The following AHNAK2 variants were observed in gnomAD, a reference collection of about 807,000 sequenced individuals.
AHNAK2 encodes the protein protein AHNAK2.
AHNAK2 carries 18 observed loss-of-function variants against 30.7 expected under a neutral mutation model. That is an observed-to-expected ratio of 0.59 (90% CI 0.41 to 0.87). AHNAK2 has a LOEUF of 0.87. Among genes scored for constraint, AHNAK2 ranks in the 40% least tolerant of loss-of-function variants. AHNAK2 has a pLI of 0.00. For missense variants in AHNAK2, 8,604 were observed against 7,373.0 expected (o/e 1.17, Z -6.11); for synonymous variants, 3,590 against 3,073.8 (o/e 1.17, Z -5.56).
Position 104,941,523 on chromosome 14 carries a change from T to A in AHNAK2, c.13928A>T (p.Lys4643Met), listed in dbSNP as rs764620557. The A allele has an allele frequency of 6.2e-7, 1 of 1,613,064 alleles. No homozygotes were observed. Among genetic ancestry groups the A allele is most frequent in the African/African-American group, 1.3e-5 (1 of 75,070 alleles). ...LSTSGFEWSS[K>M]KVSMSSSEIE... ...TTCAGAGGAAGACATGGAAACTTTC[T>A]TTGACGACCATTCAAAACCAGACGT... The change falls in exon 7 of 7, where the codon AAG (lysine) becomes ATG (methionine). Residue 4643 changes from lysine to methionine, a missense_variant. Physicochemically the swap from Lys to Met is moderately conservative, Grantham distance 95 (BLOSUM62 -1). Transcript: ENST00000333244.
In AHNAK2 at chr14:104,966,878, C is replaced by G. The variant is rs921680008; in HGVS notation, c.56-9206G>C. On this transcript the variant is annotated intron_variant, in intron 1 of 6. Coordinates refer to ENST00000333244, the MANE Select transcript of AHNAK2 (RefSeq NM_138420.4). The surrounding 1 kb of genome is among the most constrained non-coding windows in gnomAD (Gnocchi z 4.3). ...CACTCTCTGGCCTCAGTTTCCCTTC[C>G]TGCTCTGCCCAGACCCTGCCGCTCA... Among the ~76,000 whole-genome samples, 11 of 152,246 alleles carry G rather than the reference C, an allele frequency of 7.2e-5. No homozygotes were observed. The highest frequency in any genetic ancestry group is 5.9e-4 in the Admixed American group (9 of 15,294).
Position 104,945,921 on chromosome 14 carries a change from A to C in AHNAK2, c.9530T>G (p.Leu3177Arg), listed in dbSNP as rs1408165818. The C allele has an allele frequency of 8.0e-6, 10 of 1,247,734 alleles. 3 individuals are homozygous for C. The highest frequency in any genetic ancestry group is 9.1e-6 in the Non-Finnish European group (8 of 881,508). 77.3% of individuals were successfully genotyped at this position (1,247,734 alleles called of 1,614,324 possible). ...DVSAPKVEAD[L>R]SLPSMQGDLK... Reference sequence around the variant, plus strand: ...GTCCCCCTGCATGGAGGGGAGGCTCAGGTCGGCCTCCACCTTTGGCGCAGA... The same window carrying C: ...GTCCCCCTGCATGGAGGGGAGGCTCCGGTCGGCCTCCACCTTTGGCGCAGA... Residue 3177 changes from leucine (L) to arginine (R), a missense_variant, in exon 7 of 7, where the codon CTG becomes CGG. Physicochemically the swap from Leu to Arg is moderately radical, Grantham distance 102. Coordinates refer to ENST00000333244, the MANE Select transcript of AHNAK2 (RefSeq NM_138420.4).
intron 1 of AHNAK2, 73 bp from the exon 2 acceptor site, chr14:104,957,745 G>C (rs1899022754): frequency 6.9e-7 from 1 of 1,447,000 alleles, no homozygotes; most frequent in Non-Finnish European, 9.5e-7. Flanking sequence ...GAGGGAGCCA[G>C]GACTGTATGT....
In AHNAK2 at chr14:104,947,409, T is replaced by A. The variant is rs769867338; in HGVS notation, c.8042A>T (p.Asp2681Val). 4 of 1,612,534 alleles carry A rather than the reference T, an allele frequency of 2.5e-6. No homozygotes were observed. The African/African-American group carries it at 5.4e-5, about 22-fold the overall frequency. Reference protein sequence around the residue: ...VDVSELKVEADMSLPSMQGDL... With the variant: ...VDVSELKVEAVMSLPSMQGDL... ...CCCTTGCATGGAGGGGAGGCTCATG[T>A]CGGCTTCCACCTTCAGCTCAGACAC... The change falls in exon 7 of 7, where the codon GAC (aspartate) becomes GTC (valine). Residue 2681 changes from aspartate to valine, a missense_variant. Physicochemically the swap from Asp to Val is radical, Grantham distance 152. Coordinates refer to ENST00000333244, the MANE Select transcript of AHNAK2 (RefSeq NM_138420.4).
chr14:104,947,688 A>G lies in AHNAK2; in HGVS notation c.7763T>C (p.Val2588Ala). 6.2e-7 allele frequency: 1 copy of G among 1,612,580 alleles called. No individual in the cohort carries two copies. Among genetic ancestry groups the G allele is most frequent in the South Asian group, 1.1e-5 (1 of 91,014 alleles). The change falls in exon 7 of 7, where the codon GTC (valine) becomes GCC (alanine). Residue 2588 changes from valine to alanine, a missense_variant. Physicochemically the swap from Val to Ala is moderately conservative, Grantham distance 64. Coordinates refer to ENST00000333244, the MANE Select transcript of AHNAK2 (RefSeq NM_138420.4). ...TTTCAGGTCCAGCTTGGGGCCCTTG[A>G]CATCTAGCTGGGGGCCCTTGAGGTC... The part of the protein sequence containing the change: ...EMDLKGPQLD[V>A]KGPKLDLKGP...
chr14:104,972,097 G>A (rs563867016), intron 1 of AHNAK2, among the ~76,000 whole-genome samples: 87 of 152,232 alleles, frequency 5.7e-4, no homozygotes, highest in Non-Finnish European at 9.1e-4. Flanking sequence ...GGAAGGCTCT[G>A]TCCCAGCCCC....
intron 1 of AHNAK2, among the ~76,000 whole-genome samples, chr14:104,959,501 G>T (rs1401466048): frequency 1.3e-5 from 2 of 152,168 alleles, no homozygotes; most frequent in African/African-American, 4.8e-5. Flanking sequence ...GCGGGGCATG[G>T]TGGTGCATGC....
rs373017489 is a variant in AHNAK2, at chr14:104,951,005, G to A, written c.4446C>T (p.Ala1482=). 151 of 1,062,014 alleles carry A rather than the reference G, an allele frequency of 1.4e-4. 56 individuals are homozygous for A. The highest frequency in any genetic ancestry group is 8.0e-4 in the South Asian group (50 of 62,272). 65.8% of individuals were successfully genotyped at this position (1,062,014 alleles called of 1,614,324 possible). ...GGRLEEDMSL[A]DKDLTTKDSK... is the part of the protein sequence containing the mutation. The stretch of plus-strand genomic sequence containing the variant: ...TGTCTTTGGTAGTCAAGTCCTTGTC[G>A]GCCAGGGACATGTCCTCCTCCAGCC... The change falls in exon 7 of 7, where the codon GCC becomes GCT. Residue 1482 remains alanine, a synonymous_variant. Transcript: ENST00000333244.
rs546827865 is a variant in AHNAK2, at chr14:104,974,102, A to G, written c.55+4081T>C. Among the ~76,000 whole-genome samples, 3 of 152,378 alleles carry G rather than the reference A, an allele frequency of 2.0e-5. No individual in the cohort carries two copies. In the East Asian group the frequency reaches 5.8e-4, roughly 29 times the overall value. On this transcript the variant is annotated intron_variant, in intron 1 of 6. Transcript: ENST00000333244. ...CGGCCAGCCGATGACTTCCAAAAAAAGAAAAATAAAGGGAAATCTGGAGGC... is the reference window on the plus strand; with the variant it reads ...CGGCCAGCCGATGACTTCCAAAAAAGGAAAAATAAAGGGAAATCTGGAGGC...
At chr14:104,957,794 A>T in intron 1 of AHNAK2, 122 bp from the exon 2 acceptor site, 3 of 1,011,586 alleles carry the variant, frequency 3.0e-6, no homozygotes, top group Non-Finnish European at 4.4e-6. Flanking sequence ...TGGACACTGG[A>T]TCGGAGAGCA....
intron 1 of AHNAK2, among the ~76,000 whole-genome samples, chr14:104,961,673 G>C (rs1038566747): frequency 2.6e-5 from 4 of 152,026 alleles, no homozygotes; most frequent in Non-Finnish European, 5.9e-5. Flanking sequence ...GCCAATAGTG[G>C]AACCAAAATG....
In AHNAK2 at chr14:104,948,192, T is replaced by C. The variant is rs1228549941; in HGVS notation, c.7259A>G (p.Gln2420Arg). 4.3e-6 allele frequency: 7 copies of C among 1,612,504 alleles called. No homozygotes were observed. The highest frequency in any genetic ancestry group is 1.7e-5 in the Admixed American group (1 of 59,930). ...KMPKVDLKGP[Q>R]IDVKGPKLDL... ...CAGCTTGGGGCCCTTGACATCTATC[T>C]GGGGGCCCTTGAGATCTACTTTGGG... Residue 2420 changes from glutamine to arginine, a missense_variant, in exon 7 of 7, where the codon CAG (glutamine) becomes CGG (arginine). Physicochemically the swap from Gln to Arg is conservative, Grantham distance 43. Transcript: ENST00000333244.
Position 104,949,728 on chromosome 14 carries a change from T to A in AHNAK2, c.5723A>T (p.Lys1908Met). The stretch of plus-strand genomic sequence containing the variant: ...CATCTTGAAACTGGGCATATCCACC[T>A]TGGGCAAGTGCCCTTTGAGGCCGGC... ...EGAGLKGHLP[K>M]VDMPSFKMPK... Residue 1908 changes from lysine to methionine, a missense_variant, in exon 7 of 7, where the codon AAG (lysine) becomes ATG (methionine). Physicochemically the swap from Lys to Met is moderately conservative, Grantham distance 95 (BLOSUM62 -1). Transcript: ENST00000333244. The A allele has an allele frequency of 6.3e-7, 1 of 1,587,466 alleles. No individual in the cohort carries two copies.
rs1026353643 is a variant in AHNAK2, at chr14:104,946,413, C to G, written c.9038G>C (p.Ser3013Thr). 8 of 1,612,648 alleles carry G rather than the reference C, an allele frequency of 5.0e-6. No individual in the cohort carries two copies. In the African/African-American group the frequency reaches 1.1e-4, roughly 22 times the overall value. ...VSAPKVEAEV[S>T]LPSMQGDLKT... ...CAGGTCCCCCTGCATGGAGGGGAGG[C>G]TCACTTCGGCCTCCACCTTCGGCGC... The change falls in exon 7 of 7, where the codon AGC (serine) becomes ACC (threonine). Residue 3013 changes from serine (S) to threonine (T), a missense_variant. Physicochemically the swap from Ser to Thr is moderately conservative, Grantham distance 58. Coordinates refer to ENST00000333244, the MANE Select transcript of AHNAK2 (RefSeq NM_138420.4).
chr14:104,969,088 G>A (rs1215580928), intron 1 of AHNAK2, among the ~76,000 whole-genome samples: 1 of 152,198 alleles, frequency 6.6e-6, no homozygotes, highest in African/African-American at 2.4e-5. Context: ...CCTCCCCGAT[G>A]CTTCTTGAGA....
At chr14:104,961,296 C>T (rs1168685311) in intron 1 of AHNAK2, among the ~76,000 whole-genome samples, 8 of 151,926 alleles carry the variant, frequency 5.3e-5, no homozygotes, top group East Asian at 3.9e-4. Context: ...GGGCGGATCA[C>T]GAGGTCAGGA....
intron 1 of AHNAK2, 126 bp downstream of exon 1, chr14:104,978,057 G>T: frequency 1.3e-6 from 1 of 742,646 alleles, no homozygotes; most frequent in Non-Finnish European, 1.8e-6. Context: ...CGCGAGTCCC[G>T]CAGGCGTCTC....
chr14:104,955,381 C>A, intron 5 of AHNAK2, 102 bp downstream of exon 5: 1 of 1,477,092 alleles, frequency 6.8e-7, no homozygotes, highest in South Asian at 1.4e-5. Context: ...AGGAGGTCAT[C>A]CTAAGCTCCA....
chr14:104,976,261 G>C (rs1899588735), intron 1 of AHNAK2, among the ~76,000 whole-genome samples: 1 of 152,190 alleles, frequency 6.6e-6, no homozygotes, highest in African/African-American at 2.4e-5. Context: ...AGCGCTGCGT[G>C]GGGTGGTCCC....
Sources: allele counts gnomAD v4.1 joint callset (sites outside exome capture counted in the v4.1 genomes callset), GRCh38; gene constraint gnomAD v4.1.1; non-coding constraint Gnocchi (gnomAD v3.1); transcripts MANE v1.5; gene names NCBI Gene and HGNC (gene_info 2026-07-23, HGNC 2026-07-21).